NDST4: variants seen among roughly 807,000 people sequenced by gnomAD.
NDST4 encodes N-heparan sulfate sulfotransferase 4.
Under a neutral mutation model 100.8 loss-of-function variants are expected in NDST4, and 63 were observed. That is an observed-to-expected ratio of 0.62 (90% confidence interval 0.51 to 0.77). NDST4 has a LOEUF of 0.77. Among genes scored for constraint, NDST4 ranks in the 30% least tolerant of loss-of-function variants. The pLI is 0.00. For missense variants in NDST4, 943 were observed against 1,018.4 expected (o/e 0.93, Z 1.01); for synonymous variants, 377 against 361.8 (o/e 1.04, Z -0.48).
At chr4:114,876,987 G>T (rs1472130590) in intron 6 of NDST4, among the ~76,000 whole-genome samples, 8 of 152,066 alleles carry the variant, frequency 5.3e-5, no homozygotes, top group Non-Finnish European at 1.0e-4. Flanking sequence ...AGCAAATCCA[G>T]CATTCAAAGT....
At chr4:114,945,181 C>G (rs1338631656) in intron 4 of NDST4, among the ~76,000 whole-genome samples, 2 of 118,152 alleles carry the variant, frequency 1.7e-5, no homozygotes, top group African/African-American at 6.3e-5. Context: ...GCTCTCTAGC[C>G]TGGACAACTA....
At chr4:114,979,817 A>C (rs1726725475) in intron 2 of NDST4, among the ~76,000 whole-genome samples, 1 of 152,072 alleles carries the variant, frequency 6.6e-6, no homozygotes, top group Non-Finnish European at 1.5e-5. Flanking sequence ...GGGAGTAAAA[A>C]TGACAAATTC....
intron 7 of NDST4, among the ~76,000 whole-genome samples, chr4:114,863,529 A>G (rs946602025): frequency 4.6e-5 from 7 of 152,252 alleles, no homozygotes; most frequent in Non-Finnish European, 8.8e-5. Context: ...TTTAAGTCAG[A>G]AAATTAGAAA....
At chr4:114,832,858 T>C (rs770014914) in intron 12 of NDST4, among the ~76,000 whole-genome samples, 27 of 152,158 alleles carry the variant, frequency 1.8e-4, no homozygotes, top group Non-Finnish European at 3.2e-4. Flanking sequence ...GGAGGCCTCA[T>C]GGAGAGTCTT....
chr4:115,048,356 T>G (rs1728509414), intron 2 of NDST4, among the ~76,000 whole-genome samples: 1 of 152,288 alleles, frequency 6.6e-6, no homozygotes, highest in South Asian at 2.1e-4. Flanking sequence ...GGTGCTGAAC[T>G]TCTTTTTCAT....
At chr4:115,080,708 G>GTGTGTAA (rs1553921940) in intron 1 of NDST4, among the ~76,000 whole-genome samples, 2 of 151,352 alleles carry the variant, frequency 1.3e-5, no homozygotes, top group Admixed American at 6.6e-5. Flanking sequence ...GTGTGTGTGT[G>GTGTGTAA]TAATAATGAA....
intron 2 of NDST4, among the ~76,000 whole-genome samples, chr4:115,059,504 A>G (rs1728773306): frequency 1.3e-5 from 2 of 152,148 alleles, no homozygotes; most frequent in South Asian, 2.1e-4. Flanking sequence ...GCTGAGAATA[A>G]ATACAGATGT....
At position 114,899,613 on chromosome 4, in the gene NDST4, C is replaced by A. The variant is rs537674876; in HGVS notation, c.1537-28663G>T. 2.0e-5 allele frequency among the ~76,000 whole-genome samples: 3 copies of A among 151,816 alleles called. No individual in the cohort carries two copies. In the South Asian group the frequency reaches 6.2e-4, roughly 32 times the overall value. On this transcript the variant is annotated intron_variant, in intron 6 of 13. Coordinates refer to ENST00000264363, the MANE Select transcript of NDST4 (RefSeq NM_022569.3). The stretch of plus-strand genomic sequence containing the variant: ...CTACTAATATGGTGTGATCTTTCTT[C>A]TTTAGCCTGTTGGTATGATGGATCA...
At chr4:114,900,197 T>C (rs906904921) in intron 6 of NDST4, among the ~76,000 whole-genome samples, 1 of 152,036 alleles carries the variant, frequency 6.6e-6, no homozygotes, top group Non-Finnish European at 1.5e-5. Context: ...TAATTTCTGA[T>C]ACTAGCCATT....
At chr4:114,874,183 C>T (rs1030486294) in intron 6 of NDST4, among the ~76,000 whole-genome samples, 10 of 151,924 alleles carry the variant, frequency 6.6e-5, no homozygotes, top group African/African-American at 2.2e-4. Context: ...TTGAGAGTAT[C>T]ATAAAGAGTA....
chr4:114,972,086 T>C (rs1726527514), intron 3 of NDST4, among the ~76,000 whole-genome samples: 1 of 152,062 alleles, frequency 6.6e-6, no homozygotes, highest in Non-Finnish European at 1.5e-5. Flanking sequence ...TTATATGTAT[T>C]CACACTGTTT....
At chr4:115,103,015 C>A (rs1729764689) in intron 1 of NDST4, among the ~76,000 whole-genome samples, 1 of 151,734 alleles carries the variant, frequency 6.6e-6, no homozygotes, top group South Asian at 2.1e-4. Context: ...GCCCCACTGA[C>A]TTTCTTATCT....
intron 7 of NDST4, among the ~76,000 whole-genome samples, chr4:114,855,328 T>G (rs1019016308): frequency 3.9e-5 from 6 of 152,204 alleles, no homozygotes; most frequent in Non-Finnish European, 8.8e-5. Flanking sequence ...TTGTGGGGTA[T>G]TGCTTAAGAA....
At chr4:115,022,857 G>A (rs1578462132) in intron 2 of NDST4, among the ~76,000 whole-genome samples, 1 of 152,116 alleles carries the variant, frequency 6.6e-6, no homozygotes, top group African/African-American at 2.4e-5. Flanking sequence ...ATCCATGTAA[G>A]ACATGACTTG....
chr4:114,950,939 G>T (rs570647980), intron 4 of NDST4, among the ~76,000 whole-genome samples: 1 of 151,896 alleles, frequency 6.6e-6, no homozygotes, highest in African/African-American at 2.4e-5. Context: ...AAATCTCAGC[G>T]TCTCGATCAT....
chr4:115,069,498 G>C (rs1375680750), intron 2 of NDST4, among the ~76,000 whole-genome samples: 1 of 152,148 alleles, frequency 6.6e-6, no homozygotes, highest in Non-Finnish European at 1.5e-5. Context: ...CAGATGACAT[G>C]AACAGACACT....
chr4:114,981,996 G>A (rs1040232283), intron 2 of NDST4, among the ~76,000 whole-genome samples: 1 of 152,046 alleles, frequency 6.6e-6, no homozygotes, highest in Non-Finnish European at 1.5e-5. Flanking sequence ...CACGAGATCT[G>A]GTTGTTTCAA....
intron 6 of NDST4, among the ~76,000 whole-genome samples, chr4:114,901,242 G>C (rs796921033): frequency 6.6e-5 from 10 of 152,008 alleles, no homozygotes; most frequent in African/African-American, 2.4e-4. Flanking sequence ...TGATAGTTGG[G>C]TGTTAAATTT....
At chr4:115,011,055 CT>C (rs1727533396) in intron 2 of NDST4, among the ~76,000 whole-genome samples, 1 of 151,846 alleles carries the variant, frequency 6.6e-6, no homozygotes, top group Non-Finnish European at 1.5e-5. Context: ...ATTGTAATGC[CT>C]TCATTTTCCC....
Sources: gnomAD v4.1 joint callset for allele counts (sites outside exome capture counted in the v4.1 genomes callset) on GRCh38, gnomAD v4.1.1 for gene constraint, MANE v1.5 for transcripts, NCBI Gene and HGNC (gene_info 2026-07-23, HGNC 2026-07-21) for gene names.